COL27A1: variants seen among roughly 807,000 people sequenced by gnomAD.
The protein encoded by COL27A1 is collagen type XXVII alpha 1 chain.
In COL27A1, 106 loss-of-function variants were observed where a neutral mutation model predicts 251.3. The observed-to-expected ratio is 0.42, with a 90% CI of 0.36 to 0.50. The LOEUF (loss-of-function observed/expected upper bound fraction) is 0.50, where lower values mean the gene tolerates loss of function less well. Among genes scored for constraint, COL27A1 ranks in the 20% least tolerant of loss-of-function variants. The pLI, the probability that COL27A1 is intolerant of heterozygous loss-of-function variation, is 0.00. For missense variants in COL27A1, 2,325 were observed against 2,522.8 expected, an observed-to-expected ratio of 0.92 and a Z score of 1.68; for synonymous variants, 1,000 against 986.3, an observed-to-expected ratio of 1.01 and a Z score of -0.26.
At chr9:114,242,162 CCT>C in intron 21 of COL27A1, 23 bp from the exon 22 acceptor site, 14 of 1,580,018 alleles carry the variant, frequency 8.9e-6, no homozygotes, top group Non-Finnish European at 1.2e-5. Flanking sequence ...CTCCTTTTTT[CCT>C]CTCTCGTGTC....
At chr9:114,244,778 C>G (rs117981254) in intron 23 of COL27A1, among the ~76,000 whole-genome samples, 112 of 152,300 alleles carry the variant, frequency 7.4e-4, no homozygotes, top group Non-Finnish European at 1.3e-3. Context: ...GTTTCGGCCT[C>G]TCTCCCTCAG....
intron 1 of COL27A1, among the ~76,000 whole-genome samples, chr9:114,160,139 A>G (rs1848389020): frequency 6.7e-6 from 1 of 149,512 alleles, no homozygotes; most frequent in Admixed American, 6.8e-5. Context: ...CTTTGGGAAG[A>G]CACTTTTTAA....
intron 45 of COL27A1, 92 bp downstream of exon 45, chr9:114,289,387 G>C: frequency 1.6e-6 from 2 of 1,258,670 alleles, no homozygotes; most frequent in South Asian, 1.5e-5. Context: ...GCAGGCTGCA[G>C]AGGCTGCGAG....
chr9:114,307,590 T>C (rs945261700), intron 58 of COL27A1, 79 bp from the exon 59 acceptor site: 2 of 994,822 alleles, frequency 2.0e-6, no homozygotes, highest in African/African-American at 3.2e-5. Flanking sequence ...GGTCACAAGA[T>C]GCAGGGTCCA....
chr9:114,227,579 G>A (rs1831571433), intron 14 of COL27A1, among the ~76,000 whole-genome samples: 1 of 152,138 alleles, frequency 6.6e-6, no homozygotes, highest in South Asian at 2.1e-4. Flanking sequence ...ATCGTCCCTG[G>A]CATGGCAAAG....
chr9:114,286,117 C>T (rs1185634678), intron 41 of COL27A1, among the ~76,000 whole-genome samples: 1 of 152,162 alleles, frequency 6.6e-6, no homozygotes, highest in Non-Finnish European at 1.5e-5. Flanking sequence ...TGTTCCAGGC[C>T]CTGAGCTAGA....
chr9:114,234,346 G>A (rs1445442794), intron 16 of COL27A1, among the ~76,000 whole-genome samples: 6 of 151,908 alleles, frequency 3.9e-5, no homozygotes, highest in Non-Finnish European at 8.8e-5. Flanking sequence ...TTCTACTAAG[G>A]AAGTTCTTTT....
At chr9:114,205,004 A>T in intron 7 of COL27A1, 98 bp from the exon 8 acceptor site, 1 of 1,113,590 alleles carries the variant, frequency 9.0e-7, no homozygotes, top group Non-Finnish European at 1.4e-6. Context: ...TGCAGTACAT[A>T]CGGTGCTGAA....
intron 51 of COL27A1, 131 bp from the exon 52 acceptor site, chr9:114,300,941 A>C (rs879716047): frequency 2.3e-5 from 21 of 925,946 alleles, no homozygotes; most frequent in Non-Finnish European, 3.3e-5. Flanking sequence ...CAGGAGATGC[A>C]TGGCCTGGGC....
rs1848804575 is a variant in COL27A1 at position 114,165,857 on chromosome 9, TC to T, written c.134-1830del. The stretch of plus-strand genomic sequence containing the variant: ...ATCCATCCATCCATCCATCCATCCA[TC>T]CATCCATCAATCCATCCACCAATTC... On this transcript the variant is annotated intron_variant, in intron 2 of 60. Transcript: ENST00000356083. 2.0e-5 allele frequency among the ~76,000 whole-genome samples: 3 copies of T among 151,114 alleles called. No homozygotes were observed. The South Asian group carries it at 6.3e-4, about 32-fold the overall frequency.
In COL27A1 at chr9:114,300,137, CGGCTCACTGTTCCTGT is replaced by C; in HGVS notation, c.4638+17_4638+32del. 1 of 1,612,976 alleles carries C rather than the reference CGGCTCACTGTTCCTGT, an allele frequency of 6.2e-7. No individual in the cohort carries two copies. Among genetic ancestry groups the C allele is most frequent in the Non-Finnish European group, 8.5e-7 (1 of 1,178,968 alleles). Reference sequence around the variant, plus strand: ...TTCGGACCCAAGGTATGGACTCCCACGGCTCACTGTTCCTGTGGGGTCCCATCCATTCACCCCATTC... The same window carrying C: ...TTCGGACCCAAGGTATGGACTCCCACGGGGTCCCATCCATTCACCCCATTC... On this transcript the variant is annotated intron_variant, in intron 50 of 60. Transcript: ENST00000356083.
intron 55 of COL27A1, 83 bp downstream of exon 55, chr9:114,301,800 C>T: frequency 7.3e-7 from 1 of 1,368,002 alleles, no homozygotes; most frequent in Non-Finnish European, 1.0e-6. Flanking sequence ...GCAGACTAAG[C>T]CTTGACCCTG....
chr9:114,309,457 G>A lies in COL27A1; in HGVS notation c.5415G>A (p.Glu1805=), dbSNP rs1270682536. 6.2e-7 allele frequency: 1 copy of A among 1,613,748 alleles called. No homozygotes were observed. The part of the protein sequence containing the change: ...IFEAGGQFRP[E]VSMDGCKVQD... ...AAGCTGGGGGTCAGTTCCGGCCCGA[G>A]GTGTCCATGGATGGCTGCAAGGTAA... The change falls in exon 60 of 61, where the codon GAG becomes GAA. Residue 1805 remains glutamate (E), a synonymous_variant. Coordinates refer to ENST00000356083, the MANE Select transcript of COL27A1 (RefSeq NM_032888.4).
chr9:114,241,430 T>G (rs1454467727), intron 21 of COL27A1, among the ~76,000 whole-genome samples: 1 of 152,068 alleles, frequency 6.6e-6, no homozygotes, highest in African/African-American at 2.4e-5. Flanking sequence ...GAAAAGGAGC[T>G]GGGGGGTGTC....
At chr9:114,280,237 A>G (rs1835819962) in intron 37 of COL27A1, among the ~76,000 whole-genome samples, 1 of 150,620 alleles carries the variant, frequency 6.6e-6, no homozygotes, top group Admixed American at 6.6e-5. Context: ...TTTGAGACAC[A>G]GTCTCACTCT....
At chr9:114,262,342 C>T (rs1216883187) in intron 28 of COL27A1, among the ~76,000 whole-genome samples, 2 of 152,214 alleles carry the variant, frequency 1.3e-5, no homozygotes, top group Non-Finnish European at 2.9e-5. Flanking sequence ...GCACCTGAGC[C>T]CCGTAATGCC....
chr9:114,165,808 C>A (rs1271528573), intron 2 of COL27A1, among the ~76,000 whole-genome samples: 1 of 148,666 alleles, frequency 6.7e-6, no homozygotes, highest in Non-Finnish European at 1.5e-5. Context: ...CCCATCCATC[C>A]AGCCAGCCAG....
rs757591756 is a variant in COL27A1, at chr9:114,169,251, G to A, written c.1696G>A (p.Val566Ile). The A allele has an allele frequency of 1.9e-6, 3 of 1,613,450 alleles. No individual in the cohort carries two copies. The highest frequency in any genetic ancestry group is 1.7e-6 in the Non-Finnish European group (2 of 1,179,708). ...PLRPGKAARD[V>I]PLSDLTTRPS... ...CAGACCTGGGAAGGCAGCCAGGGAT[G>A]TCCCCTTGAGCGATCTGACAACCAG... The change falls in exon 3 of 61, where the codon GTC (valine) becomes ATC (isoleucine). Residue 566 changes from valine (V) to isoleucine (I), a missense_variant. Physicochemically the swap from Val to Ile is conservative, Grantham distance 29 (BLOSUM62 3). Transcript: ENST00000356083.
intron 6 of COL27A1, 22 bp from the exon 7 acceptor site, chr9:114,195,937 C>T: frequency 6.3e-7 from 1 of 1,599,578 alleles, no homozygotes; most frequent in Non-Finnish European, 8.6e-7. Flanking sequence ...CCTGCCTCAC[C>T]CACCTTGTCT....
Sources: gnomAD v4.1 joint callset for allele counts (sites outside exome capture counted in the v4.1 genomes callset) on GRCh38, gnomAD v4.1.1 for gene constraint, MANE v1.5 for transcripts, NCBI Gene and HGNC (gene_info 2026-07-23, HGNC 2026-07-21) for gene names.